PCBP3: variants seen among roughly 807,000 people sequenced by gnomAD.
The protein encoded by PCBP3 is poly(rC)-binding protein 3.
A neutral mutation model predicts 52.7 loss-of-function variants in PCBP3; 25 were observed. The observed-to-expected ratio is 0.47, with a 90% CI of 0.35 to 0.66. The LOEUF (loss-of-function observed/expected upper bound fraction) is 0.66. Among genes scored for constraint, PCBP3 ranks in the 30% least tolerant of loss-of-function variants. PCBP3 has a pLI of 0.01. For missense variants in PCBP3, 391 were observed against 490.3 expected, an observed-to-expected ratio of 0.80 and a Z score of 1.91; for synonymous variants, 162 against 183.0, an observed-to-expected ratio of 0.89 and a Z score of 0.93.
chr21:45,909,613 AC>A, intron 10 of PCBP3, 127 bp downstream of exon 10: 1 of 855,304 alleles, frequency 1.2e-6, no homozygotes, highest in Non-Finnish European at 1.8e-6. Context: ...GGCCACGCAG[AC>A]CCCACAGCTC....
intron 2 of PCBP3, among the ~76,000 whole-genome samples, chr21:45,730,876 A>AT (rs1380173573): frequency 2.0e-5 from 3 of 151,800 alleles, no homozygotes; most frequent in Admixed American, 6.6e-5. Context: ...AACATGTCAC[A>AT]TTTTTTCCCA....
intron 3 of PCBP3, among the ~76,000 whole-genome samples, chr21:45,754,940 G>C (rs906580760): frequency 6.7e-6 from 1 of 148,754 alleles, no homozygotes; most frequent in African/African-American, 2.5e-5. Context: ...TATTTATCTT[G>C]CTTGGGATTG....
chr21:45,933,954 A>T (rs1020303888), intron 15 of PCBP3, among the ~76,000 whole-genome samples: 1 of 152,084 alleles, frequency 6.6e-6, no homozygotes, highest in Non-Finnish European at 1.5e-5. Context: ...TGGCTTTAAC[A>T]TGGAGTTGGG....
intron 2 of PCBP3, among the ~76,000 whole-genome samples, chr21:45,712,845 C>G (rs555035708): frequency 1.3e-5 from 2 of 152,230 alleles, no homozygotes; most frequent in South Asian, 2.1e-4. Context: ...TTGGGACCAC[C>G]TGTACACACC....
chr21:45,764,856 G>A (rs1040739413), intron 4 of PCBP3, among the ~76,000 whole-genome samples: 23 of 152,224 alleles, frequency 1.5e-4, no homozygotes, highest in Non-Finnish European at 3.2e-4. Context: ...ACAGATGTGC[G>A]CTTCCTGGGA....
chr21:45,724,548 C>T lies in PCBP3; in HGVS notation c.-199-10844C>T, dbSNP rs1008521146. ...GGGAATCTCGCTGCCTTCATGGTGG[C>T]GGGCCAGGCTGCTCTGTAACACGAA... On this transcript the variant is annotated intron_variant, in intron 2 of 17. Coordinates refer to ENST00000681687, the MANE Select transcript of PCBP3 (RefSeq NM_001384156.1). This position sits in a 1 kb window ranked among gnomAD's most constrained non-coding sequence, Gnocchi z 5.3. Among the ~76,000 whole-genome samples, 11 of 152,142 alleles carry T rather than the reference C, an allele frequency of 7.2e-5. No homozygotes were observed. The highest frequency in any genetic ancestry group is 1.5e-4 in the Non-Finnish European group (10 of 68,028).
intron 2 of PCBP3, among the ~76,000 whole-genome samples, chr21:45,715,857 T>C (rs936566652): frequency 5.9e-5 from 9 of 152,204 alleles, no homozygotes; most frequent in Admixed American, 2.0e-4. Flanking sequence ...TTCTAGGAAT[T>C]CTTTTTTATA....
intron 5 of PCBP3, among the ~76,000 whole-genome samples, chr21:45,881,852 C>T (rs1286059154): frequency 6.6e-6 from 1 of 152,162 alleles, no homozygotes; most frequent in African/African-American, 2.4e-5. Flanking sequence ...TTATAATGTC[C>T]TCCAGGTTCA....
At chr21:45,925,629 A>G (rs1169723805) in intron 13 of PCBP3, among the ~76,000 whole-genome samples, 1 of 152,128 alleles carries the variant, frequency 6.6e-6, no homozygotes, top group Non-Finnish European at 1.5e-5. Context: ...AGAAAAAATG[A>G]AAGAATGGGA....
In PCBP3 at chr21:45,917,988, C is replaced by A; in HGVS notation, c.717+359C>A. 6.3e-6 allele frequency: 2 copies of A among 319,130 alleles called. No individual in the cohort carries two copies. The allele number at this position is 319,130 out of a possible 1,614,324, so 19.8% of individuals were successfully genotyped here. On this transcript the variant is annotated intron_variant, in intron 13 of 17. Transcript: ENST00000681687. The surrounding 1 kb of genome is among the most constrained non-coding windows in gnomAD (Gnocchi z 5.3). ...GGCGTCAGTGATACTTTCTCTGCGC[C>A]TAAGAAGTTGGGTGACATTATCAAA...
At chr21:45,710,008 G>A (rs1468820458) in intron 2 of PCBP3, among the ~76,000 whole-genome samples, 1 of 152,148 alleles carries the variant, frequency 6.6e-6, no homozygotes, top group Non-Finnish European at 1.5e-5. Context: ...AAGACACTGA[G>A]ATAAACTGCC....
At position 45,917,570 on chromosome 21, in the gene PCBP3, GTCTC is replaced by G. The variant is rs548673780; in HGVS notation, c.676-6_676-3del. The G allele has an allele frequency of 1.3e-5, 20 of 1,550,384 alleles. No homozygotes were observed. The highest frequency in any genetic ancestry group is 4.7e-5 in the South Asian group (4 of 85,946). On this transcript the variant is annotated splice_polypyrimidine_tract_variant and intron_variant, in intron 12 of 17. Coordinates refer to ENST00000681687, the MANE Select transcript of PCBP3 (RefSeq NM_001384156.1). This position sits in a 1 kb window ranked among gnomAD's most constrained non-coding sequence, Gnocchi z 5.3. The stretch of plus-strand genomic sequence containing the variant: ...TGCAGCCAGGTTGCAGTCTGACGGG[GTCTC>G]TCTCTCTCTCTAGGCCTACACAATC...
Position 45,911,168 on chromosome 21 carries a change from G to A in PCBP3, c.600+138G>A, listed in dbSNP as rs182519063. On this transcript the variant is annotated intron_variant, in intron 11 of 17. Coordinates refer to ENST00000681687, the MANE Select transcript of PCBP3 (RefSeq NM_001384156.1). ...GTGGGGGGCTCCTGACCCCAAGTCA[G>A]CCTGAGCGAGAGCGGTGCCGGTATG... is the stretch of plus-strand genomic sequence containing the variant. The A allele has an allele frequency of 1.0e-3, 1,034 of 992,730 alleles. 2 individuals are homozygous for A. The highest frequency in any genetic ancestry group is 1.5e-3 in the Non-Finnish European group (940 of 642,618). 61.5% of individuals were successfully genotyped at this position (992,730 alleles called of 1,614,324 possible).
chr21:45,816,046 G>GATGA (rs1175050100), intron 4 of PCBP3, among the ~76,000 whole-genome samples: 71 of 144,834 alleles, frequency 4.9e-4, no homozygotes, highest in African/African-American at 1.8e-3. Flanking sequence ...GTGAGTGAGT[G>GATGA]GTGAGTGGTG....
At chr21:45,774,207 A>G (rs969500785) in intron 4 of PCBP3, among the ~76,000 whole-genome samples, 1 of 151,992 alleles carries the variant, frequency 6.6e-6, no homozygotes, top group Non-Finnish European at 1.5e-5. Flanking sequence ...GATTGAGATC[A>G]TCCTGGCCAA....
intron 5 of PCBP3, among the ~76,000 whole-genome samples, chr21:45,888,016 G>A (rs551906389): frequency 3.9e-5 from 6 of 152,316 alleles, no homozygotes; most frequent in South Asian, 2.1e-4. Flanking sequence ...CTGACCCATG[G>A]GCATTTCCGG....
At chr21:45,670,729 C>T (rs938693951) in intron 2 of PCBP3, among the ~76,000 whole-genome samples, 1 of 152,170 alleles carries the variant, frequency 6.6e-6, no homozygotes, top group Non-Finnish European at 1.5e-5. Context: ...CATGCTTTTA[C>T]TCTGTATCTC....
intron 4 of PCBP3, among the ~76,000 whole-genome samples, chr21:45,815,086 GTGAGTGA>G (rs1477706029): frequency 9.3e-5 from 3 of 32,260 alleles, no homozygotes; most frequent in Admixed American, 2.9e-4. Context: ...TGGGTGAGTG[GTGAGTGA>G]TGAGTGAGTG....
chr21:45,780,862 G>C (rs2090586685), intron 4 of PCBP3, among the ~76,000 whole-genome samples: 1 of 152,130 alleles, frequency 6.6e-6, no homozygotes, highest in South Asian at 2.1e-4. Flanking sequence ...TACTCAAGCT[G>C]GTTTCCTGCA....
Sources: allele counts gnomAD v4.1 joint callset (sites outside exome capture counted in the v4.1 genomes callset), GRCh38; gene constraint gnomAD v4.1.1; non-coding constraint Gnocchi (gnomAD v3.1); transcripts MANE v1.5; gene names NCBI Gene and HGNC (gene_info 2026-07-23, HGNC 2026-07-21).